ITGA9: variants seen among roughly 807,000 people sequenced by gnomAD.
The protein encoded by ITGA9 is integrin alpha-9.
In ITGA9, 56 loss-of-function variants were observed where a neutral mutation model predicts 127.8. That is an observed-to-expected ratio of 0.44 (90% confidence interval 0.35 to 0.55). The LOEUF is 0.55. Among genes scored for constraint, ITGA9 ranks in the 20% least tolerant of loss-of-function variants. ITGA9 has a pLI of 0.00. For missense variants in ITGA9, 1,196 were observed against 1,347.1 expected, an observed-to-expected ratio of 0.89 and a Z score of 1.76; for synonymous variants, 508 against 514.5, an observed-to-expected ratio of 0.99 and a Z score of 0.17.
chr3:37,512,710 C>T (rs958955630), intron 8 of ITGA9, among the ~76,000 whole-genome samples: 3 of 152,060 alleles, frequency 2.0e-5, no homozygotes, highest in Non-Finnish European at 4.4e-5. Context: ...GGAAAGGTTG[C>T]TCCTCTCTGG....
intron 26 of ITGA9, among the ~76,000 whole-genome samples, chr3:37,797,882 G>A (rs1474004135): frequency 1.6e-4 from 24 of 150,668 alleles, no homozygotes; most frequent in Admixed American, 1.5e-3. Context: ...ACGGGGTTTC[G>A]CCATGTTGGC....
chr3:37,750,397 C>A, intron 22 of ITGA9, 65 bp from the exon 23 acceptor site: 1 of 933,578 alleles, frequency 1.1e-6, no homozygotes, highest in Non-Finnish European at 1.8e-6. Flanking sequence ...ATATATATTG[C>A]ATGACAGGAA....
intron 15 of ITGA9, among the ~76,000 whole-genome samples, chr3:37,579,363 A>G (rs568729614): frequency 4.3e-4 from 65 of 152,244 alleles, no homozygotes; most frequent in African/African-American, 1.4e-3. Flanking sequence ...TTTCAAAGTT[A>G]CCTTATGGCC....
intron 23 of ITGA9, among the ~76,000 whole-genome samples, chr3:37,771,047 A>G (rs1696836083): frequency 6.6e-6 from 1 of 152,160 alleles, no homozygotes; most frequent in Admixed American, 6.5e-5. Flanking sequence ...CCTTTTGTTC[A>G]AATTCTAATA....
intron 3 of ITGA9, among the ~76,000 whole-genome samples, chr3:37,480,432 G>A (rs1037403494): frequency 2.3e-4 from 35 of 152,130 alleles, no homozygotes; most frequent in African/African-American, 8.2e-4. Flanking sequence ...AAGACCCTTG[G>A]CCATGAACCT....
chr3:37,820,752 T>G lies in ITGA9; in HGVS notation c.*1763T>G, dbSNP rs1176984258. 2.6e-5 allele frequency: 4 copies of G among 152,202 alleles called. No individual in the cohort carries two copies. Among genetic ancestry groups the G allele is most frequent in the African/African-American group, 9.7e-5 (4 of 41,444 alleles). 9.4% of individuals were successfully genotyped at this position (152,202 alleles called of 1,614,324 possible). On this transcript the variant is annotated 3_prime_UTR_variant, in exon 28 of 28. Transcript: ENST00000264741. ...GCTAAGAGCAGGGTCTAACGGAGTCTTAATGGCTTATTACAGCCTGCCAAA... is the reference window on the plus strand; with the variant it reads ...GCTAAGAGCAGGGTCTAACGGAGTCGTAATGGCTTATTACAGCCTGCCAAA...
intron 17 of ITGA9, among the ~76,000 whole-genome samples, chr3:37,659,230 C>T (rs990465136): frequency 2.6e-5 from 4 of 152,150 alleles, no homozygotes; most frequent in African/African-American, 7.2e-5. Flanking sequence ...GCCTGTCTTT[C>T]TAGGTTGGGG....
chr3:37,781,556 G>A (rs1045752241), intron 25 of ITGA9, among the ~76,000 whole-genome samples: 3 of 152,140 alleles, frequency 2.0e-5, no homozygotes, highest in Admixed American at 6.5e-5. Context: ...CCAGTGCATC[G>A]GTGGCTCTTG....
chr3:37,683,413 C>T (rs1288130390), intron 17 of ITGA9, among the ~76,000 whole-genome samples: 1 of 152,222 alleles, frequency 6.6e-6, no homozygotes, highest in Admixed American at 6.5e-5. Flanking sequence ...GTTCTTACCA[C>T]AATCTGACAG....
intron 13 of ITGA9, among the ~76,000 whole-genome samples, chr3:37,531,438 A>G (rs1418509051): frequency 2.0e-5 from 3 of 152,224 alleles, no homozygotes; most frequent in Non-Finnish European, 4.4e-5. Flanking sequence ...CCTGTGGTCC[A>G]TTTCAAAGGA....
intron 18 of ITGA9, among the ~76,000 whole-genome samples, chr3:37,704,438 T>C (rs543131775): frequency 5.1e-4 from 78 of 152,246 alleles, no homozygotes; most frequent in African/African-American, 1.8e-3. Flanking sequence ...AGAGCACCTA[T>C]GAGAGCTTTG....
At chr3:37,662,095 T>G (rs1184380335) in intron 17 of ITGA9, among the ~76,000 whole-genome samples, 1 of 152,044 alleles carries the variant, frequency 6.6e-6, no homozygotes, top group Non-Finnish European at 1.5e-5. Context: ...GTAAGTGCTT[T>G]TAACCTAACA....
intron 15 of ITGA9, among the ~76,000 whole-genome samples, chr3:37,616,856 G>A (rs1278192402): frequency 6.6e-6 from 1 of 152,178 alleles, no homozygotes; most frequent in Non-Finnish European, 1.5e-5. Flanking sequence ...GCCTATGTGT[G>A]TCTCTGCACG....
chr3:37,458,698 C>T (rs573444712), intron 1 of ITGA9, among the ~76,000 whole-genome samples: 1 of 152,346 alleles, frequency 6.6e-6, no homozygotes. Flanking sequence ...GCTCCTTGGC[C>T]TGCAGTGTGG....
chr3:37,482,144 A>T (rs1282860087), intron 4 of ITGA9, among the ~76,000 whole-genome samples: 1 of 152,186 alleles, frequency 6.6e-6, no homozygotes, highest in Admixed American at 6.5e-5. Flanking sequence ...TTCATAAAGC[A>T]ACAGCTGGAC....
intron 17 of ITGA9, among the ~76,000 whole-genome samples, chr3:37,662,670 TG>T (rs1443986552): frequency 6.6e-6 from 1 of 152,184 alleles, no homozygotes; most frequent in East Asian, 1.9e-4. Flanking sequence ...TCCACCATGG[TG>T]CCCCCCTCCC....
In ITGA9 at chr3:37,814,539, T is replaced by C. The variant is rs1459328786; in HGVS notation, c.3010-4352T>C. Among the ~76,000 whole-genome samples, 2 of 152,148 alleles carry C rather than the reference T, an allele frequency of 1.3e-5. No homozygotes were observed. Among genetic ancestry groups the C allele is most frequent in the Non-Finnish European group, 2.9e-5 (2 of 68,030 alleles). ...AAGATCGTGCCACTGCACTCCAGCC[T>C]GGCAACAGAGCGAGACTCCATCCCC... On this transcript the variant is annotated intron_variant, in intron 27 of 27. Coordinates refer to ENST00000264741, the MANE Select transcript of ITGA9 (RefSeq NM_002207.3). The surrounding 1 kb of genome is among the most constrained non-coding windows in gnomAD (Gnocchi z 4.3).
chr3:37,492,522 A>G (rs1485397392), intron 4 of ITGA9, among the ~76,000 whole-genome samples: 2 of 152,346 alleles, frequency 1.3e-5, no homozygotes, highest in South Asian at 2.1e-4. Flanking sequence ...TGCTCCCAAC[A>G]TAGACCACAC....
Position 37,514,260 on chromosome 3 carries a change from T to TG in ITGA9, c.1035+361dup. ...ACTGAGGCCCAGAGAGGTTAGGTAA[T>TG]GTGTCCCAAACCACACAGCTAAGAA... On this transcript the variant is annotated intron_variant, in intron 9 of 27. Coordinates refer to ENST00000264741, the MANE Select transcript of ITGA9 (RefSeq NM_002207.3). Among the ~76,000 whole-genome samples the TG allele has an allele frequency of 1.3e-5, 2 of 152,294 alleles. 1 individual carries two copies. Among genetic ancestry groups the TG allele is most frequent in the Middle Eastern group, 6.8e-3 (2 of 294 alleles).
Sources: gnomAD v4.1 joint callset for allele counts (sites outside exome capture counted in the v4.1 genomes callset) on GRCh38, gnomAD v4.1.1 for gene constraint, Gnocchi (gnomAD v3.1) non-coding constraint, MANE v1.5 for transcripts, NCBI Gene and HGNC (gene_info 2026-07-23, HGNC 2026-07-21) for gene names.